Variants in MAPRE2 observed in about 807,000 individuals in gnomAD.
MAPRE2 encodes the protein microtubule associated protein RP/EB family member 2.
Under a neutral mutation model 43.2 loss-of-function variants are expected in MAPRE2, and 13 were observed. That is an observed-to-expected ratio of 0.30 (90% CI 0.20 to 0.48). The LOEUF is 0.48. Ranked by LOEUF, MAPRE2 falls within the 20% of genes least tolerant of loss-of-function variation. The pLI is 0.99. For missense variants in MAPRE2, 161 were observed against 400.2 expected, an observed-to-expected ratio of 0.40 and a Z score of 5.10; for synonymous variants, 135 against 148.8, an observed-to-expected ratio of 0.91 and a Z score of 0.68.
At chr18:35,022,421 T>A (rs1042847265) in intron 2 of MAPRE2, among the ~76,000 whole-genome samples, 5 of 152,166 alleles carry the variant, frequency 3.3e-5, no homozygotes, top group Non-Finnish European at 5.9e-5. Flanking sequence ...GGTATATGCT[T>A]CTTCTGTCAA....
chr18:34,993,257 T>C (rs1012131254), intron 1 of MAPRE2, among the ~76,000 whole-genome samples: 1 of 130,720 alleles, frequency 7.6e-6, no homozygotes, highest in Non-Finnish European at 1.7e-5. Context: ...ATTCCCGCCT[T>C]TTTTTTTTTT....
chr18:34,995,792 C>T (rs1177302842), intron 1 of MAPRE2, among the ~76,000 whole-genome samples: 1 of 152,144 alleles, frequency 6.6e-6, no homozygotes, highest in African/African-American at 2.4e-5. Context: ...GTGAATGGCT[C>T]CTTTACCAAG....
chr18:35,045,042 G>C (rs1397667702), intron 1 of MAPRE2, among the ~76,000 whole-genome samples: 2 of 152,184 alleles, frequency 1.3e-5, no homozygotes, highest in African/African-American at 4.8e-5. Flanking sequence ...CAATTGAAAA[G>C]AGTAAGTACA....
At chr18:35,041,761 C>CT in intron 1 of MAPRE2, 100 bp downstream of exon 1, 1 of 1,583,132 alleles carries the variant, frequency 6.3e-7, no homozygotes, top group Non-Finnish European at 8.6e-7. Context: ...GCGACCCCTG[C>CT]TGCAGGCATG....
chr18:35,138,262 C>T (rs567467142), intron 6 of MAPRE2, among the ~76,000 whole-genome samples: 1 of 152,178 alleles, frequency 6.6e-6, no homozygotes, highest in South Asian at 2.1e-4. Flanking sequence ...TCAAAGAGCA[C>T]CTGCAATTAA....
chr18:35,015,160 A>G (rs1258801419), intron 2 of MAPRE2, among the ~76,000 whole-genome samples: 1 of 152,092 alleles, frequency 6.6e-6, no homozygotes, highest in Non-Finnish European at 1.5e-5. Context: ...AGAGTCACTA[A>G]GAATAACAAG....
At chr18:35,008,102 A>G (rs2097032670) in intron 2 of MAPRE2, among the ~76,000 whole-genome samples, 1 of 152,130 alleles carries the variant, frequency 6.6e-6, no homozygotes, top group Non-Finnish European at 1.5e-5. Flanking sequence ...AGATTCCTTT[A>G]CTGGGTGTCA....
At chr18:35,029,352 T>G (rs899942628) in intron 2 of MAPRE2, among the ~76,000 whole-genome samples, 1 of 152,188 alleles carries the variant, frequency 6.6e-6, no homozygotes, top group African/African-American at 2.4e-5. Context: ...CCAGAAGCCA[T>G]AGCTCTGCCA....
intron 3 of MAPRE2, 84 bp downstream of exon 3, chr18:35,097,675 C>A: frequency 2.4e-6 from 3 of 1,229,818 alleles, no homozygotes; most frequent in Non-Finnish European, 3.4e-6. Flanking sequence ...AGGAGCATAC[C>A]AATGGGATAT....
At chr18:35,062,062 T>TG (rs1323179333) in intron 1 of MAPRE2, among the ~76,000 whole-genome samples, 4 of 152,174 alleles carry the variant, frequency 2.6e-5, no homozygotes, top group African/African-American at 9.7e-5. Flanking sequence ...GGGGAGGCTG[T>TG]GGGAGATTTA....
chr18:35,101,872 A>G, intron 3 of MAPRE2, 74 bp from the exon 4 acceptor site: 2 of 1,082,560 alleles, frequency 1.8e-6, no homozygotes, highest in Admixed American at 4.7e-5. Context: ...TCTTTTTGAG[A>G]TACTGATTTC....
At chr18:35,031,030 C>T (rs986580337) in intron 2 of MAPRE2, among the ~76,000 whole-genome samples, 1 of 152,188 alleles carries the variant, frequency 6.6e-6, no homozygotes, top group African/African-American at 2.4e-5. Flanking sequence ...ACCCTGGTCA[C>T]CCCATTTAAA....
intron 4 of MAPRE2, among the ~76,000 whole-genome samples, chr18:35,107,254 G>A (rs972426679): frequency 4.6e-5 from 7 of 152,268 alleles, no homozygotes; most frequent in Middle Eastern, 6.8e-3. Flanking sequence ...ATAGAATAAA[G>A]TATTTGAGCA....
At chr18:35,093,343 TA>T (rs1370081053) in intron 2 of MAPRE2, among the ~76,000 whole-genome samples, 1 of 149,888 alleles carries the variant, frequency 6.7e-6, no homozygotes, top group Non-Finnish European at 1.5e-5. Flanking sequence ...ACAGCCATTA[TA>T]AAAAACAATA....
intron 2 of MAPRE2, among the ~76,000 whole-genome samples, chr18:35,011,142 T>G (rs1240535748): frequency 6.6e-6 from 1 of 152,130 alleles, no homozygotes; most frequent in Non-Finnish European, 1.5e-5. Flanking sequence ...GGCAGTTCCA[T>G]TCCAGAGTGC....
At chr18:35,088,696 T>C (rs886379962) in intron 2 of MAPRE2, among the ~76,000 whole-genome samples, 4 of 152,228 alleles carry the variant, frequency 2.6e-5, no homozygotes, top group Non-Finnish European at 5.9e-5. Context: ...CAATGATTCC[T>C]GAATATTTCA....
chr18:35,129,134 C>T (rs969709679), intron 5 of MAPRE2, among the ~76,000 whole-genome samples: 2 of 152,242 alleles, frequency 1.3e-5, no homozygotes, highest in African/African-American at 4.8e-5. Context: ...AACACCTTCA[C>T]ACCGAGGAAT....
At chr18:35,047,075 A>C (rs1905666319) in intron 1 of MAPRE2, among the ~76,000 whole-genome samples, 1 of 152,172 alleles carries the variant, frequency 6.6e-6, no homozygotes, top group Non-Finnish European at 1.5e-5. Flanking sequence ...TTTGGGGCCA[A>C]TTCCTCTGAC....
At chr18:35,136,202 C>T (rs949684339) in intron 6 of MAPRE2, among the ~76,000 whole-genome samples, 4 of 152,140 alleles carry the variant, frequency 2.6e-5, no homozygotes, top group African/African-American at 9.7e-5. Context: ...TCCCCTGATA[C>T]GTAACTTGGA....
Sources: allele counts gnomAD v4.1 joint callset (sites outside exome capture counted in the v4.1 genomes callset), GRCh38; gene constraint gnomAD v4.1.1; transcripts MANE v1.5; gene names NCBI Gene and HGNC (gene_info 2026-07-23, HGNC 2026-07-21).